The following ADGRB3 variants were observed in gnomAD, a reference collection of about 807,000 sequenced individuals.
ADGRB3 encodes the protein adhesion G protein-coupled receptor B3, also known as brain-specific angiogenesis inhibitor 3.
A neutral mutation model predicts 193.4 loss-of-function variants in ADGRB3; 37 were observed. The ratio of observed to expected loss-of-function variants is 0.19; its 90% confidence interval spans 0.15 to 0.25. ADGRB3 has a LOEUF of 0.25. ADGRB3 is among the 10% of genes least tolerant of loss of function. The pLI is 1.00. For missense variants in ADGRB3, 1,637 were observed against 1,852.9 expected (o/e 0.88, Z 2.14); for synonymous variants, 690 against 644.2 (o/e 1.07, Z -1.08).
intron 17 of ADGRB3, among the ~76,000 whole-genome samples, chr6:69,077,278 G>A (rs1772259131): frequency 6.6e-6 from 1 of 151,728 alleles, no homozygotes; most frequent in South Asian, 2.1e-4. Context: ...AGAATTTGGT[G>A]GTATAATCTA....
chr6:68,832,761 T>C (rs1767979136), intron 3 of ADGRB3, among the ~76,000 whole-genome samples: 1 of 152,134 alleles, frequency 6.6e-6, no homozygotes, highest in Non-Finnish European at 1.5e-5. Context: ...CAATATTGGT[T>C]AAAAATAAAA....
chr6:68,924,679 C>T (rs890826497), intron 3 of ADGRB3, among the ~76,000 whole-genome samples: 5 of 151,940 alleles, frequency 3.3e-5, no homozygotes, highest in Admixed American at 6.6e-5. Flanking sequence ...AACAGAGTTA[C>T]GCCCAGCTAC....
chr6:68,726,201 A>T (rs538025831), intron 3 of ADGRB3, among the ~76,000 whole-genome samples: 19 of 151,720 alleles, frequency 1.3e-4, no homozygotes, highest in African/African-American at 4.6e-4. Flanking sequence ...TGATCACATG[A>T]CATTTTTTCA....
chr6:69,114,484 T>G (rs891873119), intron 17 of ADGRB3, among the ~76,000 whole-genome samples: 9 of 152,244 alleles, frequency 5.9e-5, no homozygotes, highest in Admixed American at 3.9e-4. Context: ...TGATAGTTTC[T>G]TTTGCTGTGC....
chr6:68,804,207 A>C (rs1767362105), intron 3 of ADGRB3, among the ~76,000 whole-genome samples: 1 of 152,190 alleles, frequency 6.6e-6, no homozygotes, highest in Non-Finnish European at 1.5e-5. Flanking sequence ...GGCCTTCAAA[A>C]TGTCATGCAC....
intron 17 of ADGRB3, among the ~76,000 whole-genome samples, chr6:69,132,324 G>T (rs1021290539): frequency 6.6e-6 from 1 of 152,112 alleles, no homozygotes; most frequent in Non-Finnish European, 1.5e-5. Flanking sequence ...ATTCTAACTG[G>T]CATGAGATAG....
intron 3 of ADGRB3, among the ~76,000 whole-genome samples, chr6:68,760,054 A>G (rs1484927556): frequency 6.6e-6 from 1 of 152,158 alleles, no homozygotes; most frequent in Non-Finnish European, 1.5e-5. Context: ...ATAATTTGCT[A>G]GTTTGACCTA....
chr6:68,922,742 G>A (rs1767079139), intron 3 of ADGRB3, among the ~76,000 whole-genome samples: 1 of 152,162 alleles, frequency 6.6e-6, no homozygotes, highest in South Asian at 2.1e-4. Flanking sequence ...TGCATCTCCT[G>A]ATTGCTTATT....
chr6:69,351,018 T>A (rs1769210260), intron 26 of ADGRB3, among the ~76,000 whole-genome samples: 1 of 152,068 alleles, frequency 6.6e-6, no homozygotes, highest in Non-Finnish European at 1.5e-5. Context: ...TGAAATCTAA[T>A]CTAATCATTC....
intron 3 of ADGRB3, among the ~76,000 whole-genome samples, chr6:68,694,358 C>T (rs1443724543): frequency 6.6e-6 from 1 of 152,014 alleles, no homozygotes; most frequent in African/African-American, 2.4e-5. Flanking sequence ...AACCACCAGC[C>T]ATCCATTTGA....
At chr6:68,982,682 T>C (rs1768952925) in intron 10 of ADGRB3, among the ~76,000 whole-genome samples, 1 of 152,174 alleles carries the variant, frequency 6.6e-6, no homozygotes, top group Non-Finnish European at 1.5e-5. Context: ...TTAAGAAGTC[T>C]TCATCCTATC....
At chr6:68,915,636 A>T (rs1766858270) in intron 3 of ADGRB3, among the ~76,000 whole-genome samples, 2 of 152,196 alleles carry the variant, frequency 1.3e-5, no homozygotes, top group Non-Finnish European at 2.9e-5. Flanking sequence ...ACTAAAAGCA[A>T]TCCAACTATA....
intron 17 of ADGRB3, among the ~76,000 whole-genome samples, chr6:69,129,982 G>A (rs1234523228): frequency 6.6e-6 from 1 of 151,948 alleles, no homozygotes; most frequent in African/African-American, 2.4e-5. Flanking sequence ...CGAAATACTG[G>A]AAAATCCCTT....
At chr6:69,173,181 G>A (rs1223346663) in intron 17 of ADGRB3, among the ~76,000 whole-genome samples, 2 of 152,198 alleles carry the variant, frequency 1.3e-5, no homozygotes, top group African/African-American at 4.8e-5. Flanking sequence ...GGGATTATGG[G>A]CATGTACCAC....
chr6:68,761,674 T>G (rs1473706779), intron 3 of ADGRB3, among the ~76,000 whole-genome samples: 1 of 151,534 alleles, frequency 6.6e-6, no homozygotes, highest in East Asian at 1.9e-4. Context: ...ATGCCCCGTT[T>G]CTTTAGATTC....
chr6:68,911,524 C>T (rs1276066931), intron 3 of ADGRB3, among the ~76,000 whole-genome samples: 1 of 152,094 alleles, frequency 6.6e-6, no homozygotes. Context: ...GCTCTGGATA[C>T]CAGCATGCTA....
intron 3 of ADGRB3, among the ~76,000 whole-genome samples, chr6:68,921,075 C>T (rs887170204): frequency 2.0e-5 from 3 of 151,458 alleles, no homozygotes; most frequent in East Asian, 3.9e-4. Flanking sequence ...TCCTATCAAT[C>T]CAAAAAAAAT....
intron 5 of ADGRB3, among the ~76,000 whole-genome samples, chr6:68,939,656 A>G (rs964325346): frequency 2.6e-5 from 4 of 152,178 alleles, no homozygotes; most frequent in Non-Finnish European, 5.9e-5. Flanking sequence ...GTTATGAAAT[A>G]TTTTGTGCTC....
chr6:69,368,708 TAAG>T (rs1769640121), intron 29 of ADGRB3, among the ~76,000 whole-genome samples: 1 of 151,830 alleles, frequency 6.6e-6, no homozygotes, highest in African/African-American at 2.4e-5. Context: ...GGGGGAAAAA[TAAG>T]AAGACTGAGA....
Sources: allele counts gnomAD v4.1 joint callset (sites outside exome capture counted in the v4.1 genomes callset), GRCh38; gene constraint gnomAD v4.1.1; transcripts MANE v1.5; gene names NCBI Gene and HGNC (gene_info 2026-07-23, HGNC 2026-07-21).